ABR: variants seen among roughly 807,000 people sequenced by gnomAD.
ABR encodes active breakpoint cluster region-related protein.
A neutral mutation model predicts 107.2 loss-of-function variants in ABR; 35 were observed. That is an observed-to-expected ratio of 0.33 (90% confidence interval 0.25 to 0.43). The LOEUF (loss-of-function observed/expected upper bound fraction) is 0.43, where lower values mean the gene tolerates loss of function less well. Ranked by LOEUF, ABR falls within the 20% of genes least tolerant of loss-of-function variation. ABR has a pLI of 1.00. For synonymous variants in ABR, 498 were observed against 462.0 expected (o/e 1.08, Z -1.00); for missense variants, 815 against 1,115.2 (o/e 0.73, Z 3.83).
rs67373798 is a variant in ABR at position 1,176,869 on chromosome 17, CA to C, written c.61+2797del. Among the ~76,000 whole-genome samples the C allele has an allele frequency of 7.4e-3, 1,029 of 138,834 alleles. 5 individuals are homozygous for C. The highest frequency in any genetic ancestry group is 0.011 in the Non-Finnish European group (672 of 62,800). 91.1% of individuals were successfully genotyped at this position (138,834 alleles called of 152,430 possible). On this transcript the variant is annotated intron_variant, in intron 1 of 22. Transcript: ENST00000302538. ...TCAAAACAAAACAAAAAACAAAAAA[CA>C]AAAAAAAAAAAGAAAAAAGAAAGAA...
intron 21 of ABR, 123 bp from the exon 22 acceptor site, chr17:1,007,435 T>TCCCCA: frequency 8.1e-7 from 1 of 1,227,674 alleles, no homozygotes; most frequent in Non-Finnish European, 1.1e-6. Flanking sequence ...CTCGTCTCTG[T>TCCCCA]CTCCTAGGAG....
chr17:1,136,441 C>A (rs1046308297), intron 1 of ABR, among the ~76,000 whole-genome samples: 3 of 138,662 alleles, frequency 2.2e-5, no homozygotes, highest in Non-Finnish European at 4.8e-5. Flanking sequence ...GTAGGCCAGG[C>A]TGATCTTGAA....
chr17:1,161,083 G>A (rs553998555), intron 1 of ABR, among the ~76,000 whole-genome samples: 61 of 152,036 alleles, frequency 4.0e-4, no homozygotes, highest in African/African-American at 1.3e-3. Flanking sequence ...CAAGGCTGGG[G>A]TGTCTGAGTC....
intron 7 of ABR, 49 bp downstream of exon 7, chr17:1,073,576 C>T: frequency 7.0e-7 from 1 of 1,420,430 alleles, no homozygotes; most frequent in Non-Finnish European, 9.5e-7. Flanking sequence ...GCTCAGTCTT[C>T]CACTGAACTC....
At chr17:1,185,640 G>A (rs1336607361) in intron 1 of ABR, among the ~76,000 whole-genome samples, 6 of 117,806 alleles carry the variant, frequency 5.1e-5, no homozygotes, top group Non-Finnish European at 8.0e-5. Context: ...GTGAGACTCC[G>A]TCTCAGAAAG....
At chr17:1,119,488 G>A (rs536340817) in intron 2 of ABR, among the ~76,000 whole-genome samples, 1 of 80,056 alleles carries the variant, frequency 1.2e-5, no homozygotes, top group Non-Finnish European at 2.9e-5. Context: ...CTGAGCCTGA[G>A]TTCCTCCCAG....
rs1424931991 is a variant in ABR, at chr17:1,005,977, G to A, written c.*103C>T. ...GAAGCTGGCTTCCCTCGAGTCTGGA[G>A]TGCTGGGTTTGGGAGTTTTCTATTG... On this transcript the variant is annotated 3_prime_UTR_variant, in exon 23 of 23. Coordinates refer to ENST00000302538, the MANE Select transcript of ABR (RefSeq NM_021962.5). 2 of 1,084,484 alleles carry A rather than the reference G, an allele frequency of 1.8e-6. No homozygotes were observed. Among genetic ancestry groups the A allele is most frequent in the East Asian group, 2.6e-5 (1 of 38,742 alleles). 67.2% of individuals were successfully genotyped at this position (1,084,484 alleles called of 1,614,324 possible).
chr17:1,050,684 G>A lies in ABR; in HGVS notation c.1562-50C>T. 1 of 1,487,080 alleles carries A rather than the reference G, an allele frequency of 6.7e-7. No homozygotes were observed. The highest frequency in any genetic ancestry group is 9.4e-7 in the Non-Finnish European group (1 of 1,065,964). The allele number at this position is 1,487,080 out of a possible 1,614,324, so 92.1% of individuals were successfully genotyped here. A position where few individuals can be genotyped will look rare whatever the true frequency, so the allele number is the denominator to read the frequency against. On this transcript the variant is annotated intron_variant, in intron 14 of 22. Transcript: ENST00000302538. The surrounding 1 kb of genome is among the most constrained non-coding windows in gnomAD (Gnocchi z 4.6). ...TACTGAGTGAGTGGGGCCAGGGTGG[G>A]GCAGCTGGGGCGGCACTCAGGATGG...
In ABR at chr17:1,011,858, C is replaced by T. The variant is rs751339591; in HGVS notation, c.2089G>A (p.Val697Ile). The T allele has an allele frequency of 3.3e-5, 52 of 1,580,410 alleles. No homozygotes were observed. Among genetic ancestry groups the T allele is most frequent in the Middle Eastern group, 1.7e-4 (1 of 5,938 alleles). ...VATDIQALKA[V>I]FDANNKDILL... ...CTCCCAGACTCACTGGCATCGAAGA[C>T]GGCCTTGAGCGCCTGGATGTCCGTG... The change falls in exon 19 of 23, where the codon GTC (valine) becomes ATC (isoleucine). Residue 697 changes from valine to isoleucine, a missense_variant. By Grantham distance (29) the Val-to-Ile change is conservative. Coordinates refer to ENST00000302538, the MANE Select transcript of ABR (RefSeq NM_021962.5). The surrounding 1 kb of genome is among the most constrained non-coding windows in gnomAD (Gnocchi z 4.8).
intron 3 of ABR, among the ~76,000 whole-genome samples, chr17:1,096,554 G>A (rs748864456): frequency 6.6e-6 from 1 of 152,168 alleles, no homozygotes; most frequent in South Asian, 2.1e-4. Flanking sequence ...GGCTGTGGAG[G>A]GTCCTACTCC....
intron 16 of ABR, among the ~76,000 whole-genome samples, chr17:1,017,336 C>T (rs112073233): frequency 6.6e-5 from 10 of 152,100 alleles, no homozygotes; most frequent in South Asian, 2.1e-4. Context: ...CGTCTGGACA[C>T]GGAGCCGGGC....
At chr17:1,044,980 G>A (rs1315308628) in intron 16 of ABR, among the ~76,000 whole-genome samples, 1 of 152,184 alleles carries the variant, frequency 6.6e-6, no homozygotes, top group Non-Finnish European at 1.5e-5. Flanking sequence ...TGCTTAAGAA[G>A]ACTCCATACA....
intron 16 of ABR, among the ~76,000 whole-genome samples, chr17:1,046,914 C>T (rs2031706867): frequency 6.6e-6 from 1 of 152,230 alleles, no homozygotes; most frequent in African/African-American, 2.4e-5. Flanking sequence ...CCTCCAGGAG[C>T]ACAAGTGCTG....
chr17:1,069,935 C>T, intron 9 of ABR, 34 bp downstream of exon 9: 1 of 1,521,472 alleles, frequency 6.6e-7, no homozygotes, highest in Non-Finnish European at 9.0e-7. Flanking sequence ...CGGACCCCCT[C>T]CCCCGCCCCG....
chr17:1,010,942 C>A lies in ABR; in HGVS notation c.2102-79G>T, dbSNP rs761779730. 36 of 1,559,922 alleles carry A rather than the reference C, an allele frequency of 2.3e-5. No individual in the cohort carries two copies. Among genetic ancestry groups the A allele is most frequent in the Admixed American group, 6.8e-5 (4 of 59,146 alleles). The stretch of plus-strand genomic sequence containing the variant: ...CCACCCCCGACCCATCCTGACACAG[C>A]CCCCACCCACTCCAGCTCTGGTTCT... On this transcript the variant is annotated intron_variant, in intron 19 of 22. Transcript: ENST00000302538. The surrounding 1 kb of genome is among the most constrained non-coding windows in gnomAD (Gnocchi z 4.1).
At chr17:1,108,746 C>T (rs1386260603) in intron 2 of ABR, among the ~76,000 whole-genome samples, 2 of 152,190 alleles carry the variant, frequency 1.3e-5, no homozygotes, top group Non-Finnish European at 2.9e-5. Flanking sequence ...GCCACCACTG[C>T]CCCGAGGACA....
chr17:1,153,401 G>GCGGGAGGGCTGGGGGTCCAGGCACACCTA (rs2040884390), intron 1 of ABR, among the ~76,000 whole-genome samples: 37 of 122,860 alleles, frequency 3.0e-4, no homozygotes, highest in Admixed American at 4.2e-4. Context: ...AGGCACACCT[G>GCGGGAGGGCTGGGGGTCCAGGCACACCTA]CGGGAGGGCT....
intron 1 of ABR, among the ~76,000 whole-genome samples, chr17:1,185,344 G>A (rs185137863): frequency 6.6e-6 from 1 of 152,228 alleles, no homozygotes; most frequent in Admixed American, 6.5e-5. Flanking sequence ...GTTCACATCT[G>A]TAGACAGTAT....
At chr17:1,040,567 C>G (rs977681004) in intron 16 of ABR, among the ~76,000 whole-genome samples, 2 of 152,228 alleles carry the variant, frequency 1.3e-5, no homozygotes, top group Non-Finnish European at 2.9e-5. Flanking sequence ...GCTGCCTCGG[C>G]CAGCCAAAGG....
Sources: gnomAD v4.1 joint callset for allele counts (sites outside exome capture counted in the v4.1 genomes callset) on GRCh38, gnomAD v4.1.1 for gene constraint, Gnocchi (gnomAD v3.1) non-coding constraint, MANE v1.5 for transcripts, NCBI Gene and HGNC (gene_info 2026-07-23, HGNC 2026-07-21) for gene names.